Variants in FLT3 observed in about 807,000 individuals in gnomAD.
The protein encoded by FLT3 is fms related receptor tyrosine kinase 3.
Under a neutral mutation model 126.6 loss-of-function variants are expected in FLT3, and 46 were observed. The observed-to-expected ratio is 0.36, with a 90% CI of 0.29 to 0.46. The LOEUF (loss-of-function observed/expected upper bound fraction) is 0.46. FLT3 is among the 20% of genes least tolerant of loss of function. The probability of loss-of-function intolerance (pLI) is 1.00; values close to 1 mark genes in which losing one functional copy is unlikely to be tolerated. For synonymous variants in FLT3, 404 were observed against 434.4 expected (o/e 0.93, Z 0.87); for missense variants, 1,069 against 1,190.3 (o/e 0.90, Z 1.50).
In FLT3 at chr13:28,035,882, G is replaced by A. The variant is rs973214385; in HGVS notation, c.1418+53C>T. ...AACTGTATTCATGAAAGAGTCAATA[G>A]GTCAGAGAGTTTTATGTTCTTCCAT... On this transcript the variant is annotated intron_variant, in intron 11 of 23. Transcript: ENST00000241453. 38 of 1,403,850 alleles carry A rather than the reference G, an allele frequency of 2.7e-5. No individual in the cohort carries two copies. In the Middle Eastern group the frequency reaches 5.3e-4, roughly 20 times the overall value. The allele number at this position is 1,403,850 out of a possible 1,614,324, so 87.0% of individuals were successfully genotyped here. A position where few individuals can be genotyped will look rare whatever the true frequency, so the allele number is the denominator to read the frequency against.
At chr13:28,095,029 A>G (rs1879367100) in intron 1 of FLT3, among the ~76,000 whole-genome samples, 1 of 152,210 alleles carries the variant, frequency 6.6e-6, no homozygotes. Flanking sequence ...AACTGTGACT[A>G]CCTGAGAAGT....
intron 20 of FLT3, among the ~76,000 whole-genome samples, chr13:28,017,907 G>A (rs1203058292): frequency 1.3e-5 from 2 of 151,756 alleles, no homozygotes; most frequent in South Asian, 4.2e-4. Context: ...CTCATGATCT[G>A]CCCTCCTCGG....
In FLT3 at chr13:28,018,462, C is replaced by T. The variant is rs977965125; in HGVS notation, c.2541+5G>A. ...ATAAAAATAAGTAGGAAATAGCAGC[C>T]TCACATTGCCCCTGACAACATAGTT... On this transcript the variant is annotated splice_donor_5th_base_variant and intron_variant, in intron 20 of 23. Coordinates refer to ENST00000241453, the MANE Select transcript of FLT3 (RefSeq NM_004119.3). The T allele has an allele frequency of 6.2e-7, 1 of 1,613,738 alleles. No individual in the cohort carries two copies. Among genetic ancestry groups the T allele is most frequent in the Non-Finnish European group, 8.5e-7 (1 of 1,179,818 alleles).
intron 9 of FLT3, among the ~76,000 whole-genome samples, chr13:28,045,689 G>A (rs913192228): frequency 2.0e-5 from 3 of 152,024 alleles, no homozygotes; most frequent in South Asian, 2.1e-4. Flanking sequence ...AAGAAACCCC[G>A]TCTCTATTAA....
chr13:28,033,637 C>T (rs1873557982), intron 15 of FLT3, among the ~76,000 whole-genome samples: 1 of 152,070 alleles, frequency 6.6e-6, no homozygotes, highest in African/African-American at 2.4e-5. Flanking sequence ...CAGAGTGAGA[C>T]CCTGTCTCAA....
At chr13:28,057,856 A>C (rs984403671) in intron 3 of FLT3, among the ~76,000 whole-genome samples, 65 of 152,252 alleles carry the variant, frequency 4.3e-4, no homozygotes, top group Non-Finnish European at 5.9e-4. Flanking sequence ...CCTGGCCAAC[A>C]TGGTGAAACC....
chr13:28,052,754 C>T lies in FLT3; in HGVS notation c.485-80G>A, dbSNP rs372869961. 7.9e-5 allele frequency: 81 copies of T among 1,031,800 alleles called. 1 individual carries two copies. In the Middle Eastern group the frequency reaches 1.1e-3, roughly 13 times the overall value. 63.9% of individuals were successfully genotyped at this position (1,031,800 alleles called of 1,614,324 possible). A position where few individuals can be genotyped will look rare whatever the true frequency, so the allele number is the denominator to read the frequency against. The stretch of plus-strand genomic sequence containing the variant: ...AGCCCCTCAGAAAAGGATTCTATGT[C>T]ATTATGAAAAGTTCTCAACCATTAC... On this transcript the variant is annotated intron_variant, in intron 4 of 23. Coordinates refer to ENST00000241453, the MANE Select transcript of FLT3 (RefSeq NM_004119.3).
At chr13:28,047,957 T>C (rs1442480216) in intron 9 of FLT3, among the ~76,000 whole-genome samples, 1 of 152,138 alleles carries the variant, frequency 6.6e-6, no homozygotes, top group East Asian at 1.9e-4. Flanking sequence ...AGACTCAGTG[T>C]CCTACACACC....
At chr13:28,014,884 T>A (rs988510115) in intron 22 of FLT3, among the ~76,000 whole-genome samples, 3 of 151,654 alleles carry the variant, frequency 2.0e-5, no homozygotes, top group Non-Finnish European at 2.9e-5. Flanking sequence ...AAACAAAGAG[T>A]TTTCTTTTCT....
rs1489298804 is a variant in FLT3 at position 28,098,744 on chromosome 13, T to C, written c.43+1724A>G. ...TCGTGAACATAATGGATAAAATAAA[T>C]TATAAGATCTATTCATACCACGGAA... On this transcript the variant is annotated intron_variant, in intron 1 of 23. Transcript: ENST00000241453. 2.0e-5 allele frequency among the ~76,000 whole-genome samples: 3 copies of C among 151,862 alleles called. No homozygotes were observed. The East Asian group carries it at 5.8e-4, about 29-fold the overall frequency.
At chr13:28,024,657 T>C (rs1872657001) in intron 18 of FLT3, among the ~76,000 whole-genome samples, 1 of 152,218 alleles carries the variant, frequency 6.6e-6, no homozygotes, top group Non-Finnish European at 1.5e-5. Context: ...AAATGAATAA[T>C]CTGACCAAAT....
chr13:28,025,020 C>T, intron 17 of FLT3, 77 bp from the exon 18 acceptor site: 1 of 807,654 alleles, frequency 1.2e-6, no homozygotes, highest in South Asian at 1.5e-5. Flanking sequence ...TGTAATTCAT[C>T]AAATAAATGG....
At position 28,003,794 on chromosome 13, in the gene FLT3, C is replaced by G; in HGVS notation, c.*258G>C. ...CAGGTACACAATTCACTCAAGCCAG[C>G]CTGAGAAGGCCTTGGATGCAGATCA... is the stretch of plus-strand genomic sequence containing the variant. On this transcript the variant is annotated 3_prime_UTR_variant, in exon 24 of 24. Coordinates refer to ENST00000241453, the MANE Select transcript of FLT3 (RefSeq NM_004119.3). 2.1e-6 allele frequency: 1 copy of G among 480,400 alleles called. No homozygotes were observed. The highest frequency in any genetic ancestry group is 3.1e-5 in the South Asian group (1 of 31,756). 29.8% of individuals were successfully genotyped at this position (480,400 alleles called of 1,614,324 possible). A position where few individuals can be genotyped will look rare whatever the true frequency, so the allele number is the denominator to read the frequency against.
At chr13:28,095,668 G>A (rs951292679) in intron 1 of FLT3, among the ~76,000 whole-genome samples, 1 of 152,074 alleles carries the variant, frequency 6.6e-6, no homozygotes, top group African/African-American at 2.4e-5. Flanking sequence ...TTTGCTTTTT[G>A]TCAAATCAAA....
chr13:28,069,949 G>A (rs1026268755), intron 2 of FLT3, among the ~76,000 whole-genome samples: 1 of 151,816 alleles, frequency 6.6e-6, no homozygotes, highest in East Asian at 1.9e-4. Flanking sequence ...CCCCATCTTT[G>A]CAAAAAATAA....
At chr13:28,081,392 A>G (rs1193959311) in intron 1 of FLT3, among the ~76,000 whole-genome samples, 1 of 152,164 alleles carries the variant, frequency 6.6e-6, no homozygotes, top group Non-Finnish European at 1.5e-5. Context: ...TCTTCCCTTC[A>G]ATTTCTGATT....
intron 19 of FLT3, among the ~76,000 whole-genome samples, chr13:28,021,702 C>T (rs1461298401): frequency 1.3e-5 from 2 of 152,038 alleles, no homozygotes; most frequent in South Asian, 2.1e-4. Flanking sequence ...ACTGGGATTA[C>T]AGACGTACAC....
At chr13:28,051,174 C>T (rs1875423111) in intron 5 of FLT3, among the ~76,000 whole-genome samples, 2 of 152,176 alleles carry the variant, frequency 1.3e-5, no homozygotes, top group South Asian at 4.1e-4. Flanking sequence ...TATTAGACTG[C>T]TTTCCCAGAA....
chr13:28,050,798 A>G (rs1426688319), intron 5 of FLT3, among the ~76,000 whole-genome samples: 2 of 151,916 alleles, frequency 1.3e-5, no homozygotes, highest in African/African-American at 4.8e-5. Context: ...ACCACTTTGG[A>G]ACAAAGTATT....
Sources: gnomAD v4.1 joint callset for allele counts (sites outside exome capture counted in the v4.1 genomes callset) on GRCh38, gnomAD v4.1.1 for gene constraint, MANE v1.5 for transcripts, NCBI Gene and HGNC (gene_info 2026-07-23, HGNC 2026-07-21) for gene names.